The following FBLN5 variants were observed in gnomAD, a reference collection of about 807,000 sequenced individuals.
FBLN5 encodes the protein fibulin-5.
In FBLN5, 24 loss-of-function variants were observed where a neutral mutation model predicts 61.6. The ratio of observed to expected loss-of-function variants is 0.39; its 90% confidence interval spans 0.28 to 0.55. FBLN5 has a LOEUF of 0.55. Ranked by LOEUF, FBLN5 falls within the 20% of genes least tolerant of loss-of-function variation. The pLI, the probability that FBLN5 is intolerant of heterozygous loss-of-function variation, is 0.65. For missense variants in FBLN5, 470 were observed against 594.1 expected, an observed-to-expected ratio of 0.79 and a Z score of 2.17; for synonymous variants, 213 against 219.8, an observed-to-expected ratio of 0.97 and a Z score of 0.27.
intron 3 of FBLN5, among the ~76,000 whole-genome samples, chr14:91,939,402 C>G (rs934037898): frequency 6.8e-6 from 1 of 146,862 alleles, no homozygotes. Context: ...TACAGTGGTG[C>G]GATCTCAGCT....
At position 91,932,154 on chromosome 14, in the gene FBLN5, G is replaced by A. The variant is rs370738540; in HGVS notation, c.379+4793C>T. 1.2e-4 allele frequency among the ~76,000 whole-genome samples: 19 copies of A among 152,238 alleles called. No individual in the cohort carries two copies. In the South Asian group the frequency reaches 2.9e-3, roughly 23 times the overall value. Reference sequence around the variant, plus strand: ...GATCTCCCAAGGGTCCAGGATCTGGGTGACACACTCTAATGAGCCATGAGT... The same window carrying A: ...GATCTCCCAAGGGTCCAGGATCTGGATGACACACTCTAATGAGCCATGAGT... On this transcript the variant is annotated intron_variant, in intron 4 of 10. Coordinates refer to ENST00000342058, the MANE Select transcript of FBLN5 (RefSeq NM_006329.4).
chr14:91,919,390 A>AAAGAAAGG (rs1284751505), intron 4 of FBLN5, among the ~76,000 whole-genome samples: 65 of 99,574 alleles, frequency 6.5e-4, no homozygotes, highest in African/African-American at 2.0e-3. Context: ...AGAAAGAAAG[A>AAAGAAAGG]AAGGAAGGAA....
At chr14:91,883,764 G>T (rs1889595824) in intron 7 of FBLN5, among the ~76,000 whole-genome samples, 1 of 151,980 alleles carries the variant, frequency 6.6e-6, no homozygotes, top group Non-Finnish European at 1.5e-5. Flanking sequence ...TCTCTTTGTG[G>T]CTCGCCTACC....
Position 91,881,212 on chromosome 14 carries a change from T to A in FBLN5, c.989+80A>T, listed in dbSNP as rs1410277342. 2.6e-6 allele frequency: 4 copies of A among 1,558,928 alleles called. No homozygotes were observed. In the African/African-American group the frequency reaches 5.4e-5, roughly 21 times the overall value. On this transcript the variant is annotated intron_variant, in intron 9 of 10. Transcript: ENST00000342058. ...TCCCCTCACTTCCTGGCTGGTGCACTCTCTTTCACACCACACCTCCAACCT... is the reference window on the plus strand; with the variant it reads ...TCCCCTCACTTCCTGGCTGGTGCACACTCTTTCACACCACACCTCCAACCT...
intron 10 of FBLN5, chr14:91,874,582 G>A (rs1050530970): frequency 2.0e-5 from 3 of 152,104 alleles, no homozygotes; most frequent in Non-Finnish European, 4.4e-5. Context: ...GTGCCTCAGT[G>A]CTCTCATCTG....
intron 4 of FBLN5, among the ~76,000 whole-genome samples, chr14:91,919,118 C>T (rs1595333896): frequency 6.6e-6 from 1 of 151,846 alleles, no homozygotes; most frequent in Non-Finnish European, 1.5e-5. Context: ...ATCACTTGAG[C>T]CCAGGAGTTC....
rs141152607 is a variant in FBLN5 at position 91,887,218 on chromosome 14, A to G, written c.714T>C (p.Leu238=). Residue 238 remains leucine (L), a synonymous_variant, in exon 7 of 11, where the codon CTT becomes CTC. Transcript: ENST00000342058. ...CACTGCAATGAACGCCATCTTCCTC[A>G]AGTTCATATCCTGGGTCACAGCGGC... The part of the protein sequence containing the change: ...FICRCDPGYE[L]EEDGVHCSDM... The G allele has an allele frequency of 6.2e-7, 1 of 1,613,686 alleles. No homozygotes were observed. The highest frequency in any genetic ancestry group is 1.1e-5 in the South Asian group (1 of 91,072).
Position 91,891,201 on chromosome 14 carries a change from T to C in FBLN5, c.619+20A>G, listed in dbSNP as rs1310525436. ...GCTAGTGTCTCACATCATGTCCAAG[T>C]TATCATGCACGTCACATACCTTGGC... On this transcript the variant is annotated intron_variant, in intron 6 of 10. Transcript: ENST00000342058. 7.3e-7 allele frequency: 1 copy of C among 1,377,696 alleles called. No individual in the cohort carries two copies. The highest frequency in any genetic ancestry group is 1.7e-5 in the Admixed American group (1 of 59,716). 85.3% of individuals were successfully genotyped at this position (1,377,696 alleles called of 1,614,324 possible). A position where few individuals can be genotyped will look rare whatever the true frequency, so the allele number is the denominator to read the frequency against.
intron 4 of FBLN5, among the ~76,000 whole-genome samples, chr14:91,906,919 G>C (rs112586425): frequency 6.6e-4 from 100 of 152,348 alleles, no homozygotes; most frequent in African/African-American, 2.2e-3. Flanking sequence ...TCTGTTTACA[G>C]TCTAGTTGAA....
intron 4 of FBLN5, among the ~76,000 whole-genome samples, chr14:91,924,745 T>G (rs2055798079): frequency 6.6e-6 from 1 of 152,164 alleles, no homozygotes; most frequent in Admixed American, 6.5e-5. Context: ...CAAATGTGTA[T>G]TTATCACAGC....
chr14:91,935,253 A>G (rs1347078915), intron 4 of FBLN5, among the ~76,000 whole-genome samples: 1 of 152,224 alleles, frequency 6.6e-6, no homozygotes, highest in Non-Finnish European at 1.5e-5. Flanking sequence ...GGACCCTGGA[A>G]AGAGGTTTAG....
chr14:91,898,825 G>A (rs1270147790), intron 4 of FBLN5, among the ~76,000 whole-genome samples: 2 of 120,146 alleles, frequency 1.7e-5, no homozygotes, highest in Admixed American at 9.8e-5. Flanking sequence ...TTTTTGCGAC[G>A]GAATCTCGCT....
At chr14:91,933,363 C>CT (rs2055959819) in intron 4 of FBLN5, among the ~76,000 whole-genome samples, 1 of 152,124 alleles carries the variant, frequency 6.6e-6, no homozygotes, top group African/African-American at 2.4e-5. Context: ...CAACCTCCAC[C>CT]TCCTGGGTTC....
At position 91,905,226 on chromosome 14, in the gene FBLN5, G is replaced by C. The variant is rs545214004; in HGVS notation, c.380-10154C>G. Reference sequence around the variant, plus strand: ...CTTCCGATCCCATCACAACTCACCAGGGTGATCTGGTACACATCAGTGACC... The same window carrying C: ...CTTCCGATCCCATCACAACTCACCACGGTGATCTGGTACACATCAGTGACC... On this transcript the variant is annotated intron_variant, in intron 4 of 10. Transcript: ENST00000342058. Among the ~76,000 whole-genome samples the C allele has an allele frequency of 2.6e-5, 4 of 152,280 alleles. No individual in the cohort carries two copies. The East Asian group carries it at 7.7e-4, about 29-fold the overall frequency.
At chr14:91,893,800 T>A (rs1326435303) in intron 5 of FBLN5, among the ~76,000 whole-genome samples, 3 of 152,172 alleles carry the variant, frequency 2.0e-5, no homozygotes, top group Admixed American at 1.3e-4. Context: ...GATGACTGAC[T>A]CCTCAGGAGT....
chr14:91,929,394 G>A (rs1010515568), intron 4 of FBLN5, among the ~76,000 whole-genome samples: 1 of 152,052 alleles, frequency 6.6e-6, no homozygotes, highest in African/African-American at 2.4e-5. Flanking sequence ...AAAATATGAC[G>A]ATAGATCCCT....
intron 4 of FBLN5, among the ~76,000 whole-genome samples, chr14:91,907,605 G>C (rs896192062): frequency 2.0e-5 from 3 of 152,094 alleles, no homozygotes; most frequent in Non-Finnish European, 2.9e-5. Context: ...CTGGGCTGGG[G>C]GTGGAGGATG....
chr14:91,946,096 C>T (rs995708599), intron 1 of FBLN5, among the ~76,000 whole-genome samples: 1 of 152,106 alleles, frequency 6.6e-6, no homozygotes, highest in South Asian at 2.1e-4. Flanking sequence ...CCCTACTCCC[C>T]GCAGCCCCAT....
chr14:91,873,244 G>A (rs1889021051), intron 10 of FBLN5, among the ~76,000 whole-genome samples: 1 of 152,198 alleles, frequency 6.6e-6, no homozygotes, highest in Non-Finnish European at 1.5e-5. Flanking sequence ...TAGTAGGCTT[G>A]GTGGTGCGAA....
Sources: gnomAD v4.1 joint callset for allele counts (sites outside exome capture counted in the v4.1 genomes callset) on GRCh38, gnomAD v4.1.1 for gene constraint, MANE v1.5 for transcripts, NCBI Gene and HGNC (gene_info 2026-07-23, HGNC 2026-07-21) for gene names.